Variants in ENTPD3 observed in about 807,000 individuals in gnomAD.
The protein encoded by ENTPD3 is ectonucleoside triphosphate diphosphohydrolase 3, also known as CD39 antigen-like 3.
A neutral mutation model predicts 51.2 loss-of-function variants in ENTPD3; 60 were observed. That is an observed-to-expected ratio of 1.17 (90% CI 0.95 to 1.45). The LOEUF (loss-of-function observed/expected upper bound fraction) is 1.45. Ranked by LOEUF, ENTPD3 falls within the 40% of genes most tolerant of loss-of-function variation. ENTPD3 has a pLI of 0.00. For missense variants in ENTPD3, 593 were observed against 641.1 expected, an observed-to-expected ratio of 0.93 and a Z score of 0.81; for synonymous variants, 221 against 238.4, an observed-to-expected ratio of 0.93 and a Z score of 0.67.
At chr3:40,403,004 T>C (rs1481084756) in intron 4 of ENTPD3, among the ~76,000 whole-genome samples, 1 of 152,146 alleles carries the variant, frequency 6.6e-6, no homozygotes, top group African/African-American at 2.4e-5. Flanking sequence ...CAGTGTATCC[T>C]TGAGCCCACA....
intron 3 of ENTPD3, among the ~76,000 whole-genome samples, chr3:40,392,979 A>AC (rs1172445181): frequency 9.3e-5 from 9 of 96,872 alleles, no homozygotes; most frequent in South Asian, 3.3e-4. Context: ...CCTCAACAAC[A>AC]CCCCCCCGGC....
At chr3:40,420,411 A>AT (rs955908083) in intron 7 of ENTPD3, among the ~76,000 whole-genome samples, 12 of 148,090 alleles carry the variant, frequency 8.1e-5, no homozygotes, top group East Asian at 6.0e-4. Context: ...AATTTTTTCT[A>AT]TTTTTTTTTA....
At chr3:40,404,866 C>T (rs965773836) in intron 4 of ENTPD3, among the ~76,000 whole-genome samples, 2 of 152,180 alleles carry the variant, frequency 1.3e-5, no homozygotes, top group African/African-American at 4.8e-5. Context: ...TTCCCAGATG[C>T]CTAGGCCCTC....
Position 40,427,546 on chromosome 3 carries a change from G to C in ENTPD3, c.*38G>C, listed in dbSNP as rs773163416. On this transcript the variant is annotated 3_prime_UTR_variant, in exon 11 of 11. Transcript: ENST00000301825. The stretch of plus-strand genomic sequence containing the variant: ...GCTCCTGGAGTCCAATGGCTGCTTA[G>C]AGTCAGCCTGGGTGGCACCAGGCAA... The C allele has an allele frequency of 2.0e-6, 3 of 1,521,666 alleles. No individual in the cohort carries two copies. Among genetic ancestry groups the C allele is most frequent in the Admixed American group, 1.7e-5 (1 of 59,784 alleles). The allele number at this position is 1,521,666 out of a possible 1,614,324, so 94.3% of individuals were successfully genotyped here. A position where few individuals can be genotyped will look rare whatever the true frequency, so the allele number is the denominator to read the frequency against.
At chr3:40,407,291 T>C (rs1170053027) in intron 4 of ENTPD3, among the ~76,000 whole-genome samples, 2 of 151,988 alleles carry the variant, frequency 1.3e-5, no homozygotes, top group East Asian at 3.8e-4. Flanking sequence ...TCTGCCCCTT[T>C]AGCATGAAAA....
Position 40,387,251 on chromosome 3 carries a change from G to T in ENTPD3, c.-23G>T, listed in dbSNP as rs1954960179. 6.6e-6 allele frequency: 1 copy of T among 152,360 alleles called. No individual in the cohort carries two copies. Among genetic ancestry groups the T allele is most frequent in the African/African-American group, 2.4e-5 (1 of 41,470 alleles). The allele number at this position is 152,360 out of a possible 1,614,324, so 9.4% of individuals were successfully genotyped here. On this transcript the variant is annotated 5_prime_UTR_variant, in exon 1 of 11. Transcript: ENST00000301825. Reference sequence around the variant, plus strand: ...AGCGCTAGTCGCCTTCTCCGAATCGGCTCCGCACAGGTAAGATCAGGGGAC... The same window carrying T: ...AGCGCTAGTCGCCTTCTCCGAATCGTCTCCGCACAGGTAAGATCAGGGGAC...
intron 7 of ENTPD3, among the ~76,000 whole-genome samples, chr3:40,421,071 T>G (rs897685720): frequency 2.0e-4 from 30 of 151,406 alleles, no homozygotes; most frequent in African/African-American, 6.6e-4. Context: ...TCACCCAGGC[T>G]GGAGTGTAAT....
intron 7 of ENTPD3, among the ~76,000 whole-genome samples, chr3:40,417,921 T>C (rs9857824): frequency 0.26 from 39,402 of 152,044 alleles, 5,968 homozygotes; most frequent in East Asian, 0.48. Flanking sequence ...GAGGCTAATC[T>C]TTTAAATTTG....
chr3:40,423,736 A>T, intron 9 of ENTPD3, 90 bp from the exon 10 acceptor site: 1 of 1,435,958 alleles, frequency 7.0e-7, no homozygotes, highest in Non-Finnish European at 9.5e-7. Flanking sequence ...TATGGGTGAT[A>T]AGATTCTTTA....
intron 1 of ENTPD3, among the ~76,000 whole-genome samples, chr3:40,387,683 T>C (rs1227727577): frequency 6.6e-6 from 1 of 152,140 alleles, no homozygotes; most frequent in African/African-American, 2.4e-5. Context: ...TCCTTGCTCA[T>C]GTTCTGAAAA....
chr3:40,410,079 CTACT>C (rs1333420279), intron 4 of ENTPD3, among the ~76,000 whole-genome samples: 1 of 152,138 alleles, frequency 6.6e-6, no homozygotes, highest in East Asian at 1.9e-4. Context: ...AATTTTAGAA[CTACT>C]TAATTATTTT....
intron 4 of ENTPD3, among the ~76,000 whole-genome samples, chr3:40,402,626 TATC>T (rs1383434124): frequency 3.9e-5 from 6 of 152,188 alleles, no homozygotes; most frequent in African/African-American, 9.7e-5. Context: ...CCATTATTAT[TATC>T]ATATTATTGC....
chr3:40,407,994 A>C (rs1955542815), intron 4 of ENTPD3, among the ~76,000 whole-genome samples: 1 of 152,194 alleles, frequency 6.6e-6, no homozygotes. Context: ...TTTATAAAAA[A>C]CACAGAAGAC....
chr3:40,390,163 G>C (rs1955020809), intron 2 of ENTPD3, among the ~76,000 whole-genome samples: 1 of 152,028 alleles, frequency 6.6e-6, no homozygotes, highest in South Asian at 2.1e-4. Flanking sequence ...TCAACCATTT[G>C]GTTGTCATTT....
chr3:40,426,471 T>C (rs1955987809), intron 10 of ENTPD3, among the ~76,000 whole-genome samples: 1 of 151,910 alleles, frequency 6.6e-6, no homozygotes, highest in African/African-American at 2.4e-5. Flanking sequence ...TAATTGAAAA[T>C]TTAAAAGTAA....
intron 3 of ENTPD3, among the ~76,000 whole-genome samples, chr3:40,398,986 C>T (rs1017037000): frequency 2.6e-5 from 4 of 152,022 alleles, no homozygotes; most frequent in African/African-American, 9.7e-5. Flanking sequence ...TTTTGGGAGG[C>T]GGAGGTGGGT....
chr3:40,414,768 A>G lies in ENTPD3; in HGVS notation c.525A>G (p.Gln175=). The change falls in exon 6 of 11, where the codon CAA becomes CAG. Residue 175 remains glutamine, a synonymous_variant. Transcript: ENST00000301825. ...KSQPFDFRGA[Q]IISGQEEGVY... is the part of the protein sequence containing the mutation. Reference sequence around the variant, plus strand: ...AGCCCTTTGACTTTAGGGGTGCTCAAATCATTTCTGGGCAAGAAGAAGGGG... The same window carrying G: ...AGCCCTTTGACTTTAGGGGTGCTCAGATCATTTCTGGGCAAGAAGAAGGGG... The G allele has an allele frequency of 6.2e-7, 1 of 1,614,064 alleles. No homozygotes were observed. Among genetic ancestry groups the G allele is most frequent in the Non-Finnish European group, 8.5e-7 (1 of 1,179,976 alleles).
Position 40,428,649 on chromosome 3 carries a change from C to T in ENTPD3, c.*1141C>T, listed in dbSNP as rs1375879597. On this transcript the variant is annotated 3_prime_UTR_variant, in exon 11 of 11. Transcript: ENST00000301825. ...CAAGGGGTGTGTGTGTGTTAACTTC[C>T]ATATGGTACTCTTTCTCCTAAGGAC... The T allele has an allele frequency of 2.0e-5, 3 of 151,990 alleles. No homozygotes were observed. Among genetic ancestry groups the T allele is most frequent in the African/African-American group, 7.3e-5 (3 of 41,366 alleles). 9.4% of individuals were successfully genotyped at this position (151,990 alleles called of 1,614,324 possible). A position where few individuals can be genotyped will look rare whatever the true frequency, so the allele number is the denominator to read the frequency against.
intron 10 of ENTPD3, chr3:40,424,660 G>T: frequency 1.5e-6 from 1 of 680,384 alleles, no homozygotes; most frequent in South Asian, 1.5e-5. Context: ...GTCACCTGGT[G>T]ACAGGTGAAA....
Sources: allele counts gnomAD v4.1 joint callset (sites outside exome capture counted in the v4.1 genomes callset), GRCh38; gene constraint gnomAD v4.1.1; transcripts MANE v1.5; gene names NCBI Gene and HGNC (gene_info 2026-07-23, HGNC 2026-07-21).